CDH13: variants seen among roughly 807,000 people sequenced by gnomAD.
CDH13 encodes cadherin 13.
CDH13 carries 24 observed loss-of-function variants against 63.8 expected under a neutral mutation model. That is an observed-to-expected ratio of 0.38 (90% CI 0.27 to 0.53). The LOEUF (loss-of-function observed/expected upper bound fraction) is 0.53. Among genes scored for constraint, CDH13 ranks in the 20% least tolerant of loss-of-function variants. The pLI is 0.85. For synonymous variants in CDH13, 503 were observed against 355.3 expected, an observed-to-expected ratio of 1.42 and a Z score of -4.67; for missense variants, 1,049 against 903.1, an observed-to-expected ratio of 1.16 and a Z score of -2.07.
intron 1 of CDH13, among the ~76,000 whole-genome samples, chr16:82,706,665 G>A (rs981891107): frequency 1.3e-5 from 2 of 151,724 alleles, no homozygotes; most frequent in South Asian, 2.1e-4. Flanking sequence ...TTAGCCAGGT[G>A]TGGTGGTGGG....
chr16:83,548,599 G>A (rs532642002), intron 7 of CDH13, among the ~76,000 whole-genome samples: 3 of 152,220 alleles, frequency 2.0e-5, no homozygotes, highest in Non-Finnish European at 4.4e-5. Flanking sequence ...CGGATAGCCA[G>A]TTCTTTTACA....
intron 5 of CDH13, among the ~76,000 whole-genome samples, chr16:83,237,726 C>G (rs1455249986): frequency 6.6e-6 from 1 of 152,152 alleles, no homozygotes; most frequent in African/African-American, 2.4e-5. Flanking sequence ...GTTGTTTAAT[C>G]GTGAACTTTA....
chr16:83,148,927 C>T (rs1269640268), intron 4 of CDH13, among the ~76,000 whole-genome samples: 1 of 152,120 alleles, frequency 6.6e-6, no homozygotes, highest in Non-Finnish European at 1.5e-5. Flanking sequence ...AATCTTATTA[C>T]ACTCATTATC....
At chr16:83,261,651 C>G (rs1020718464) in intron 5 of CDH13, among the ~76,000 whole-genome samples, 1 of 151,868 alleles carries the variant, frequency 6.6e-6, no homozygotes, top group African/African-American at 2.4e-5. Context: ...AGTGCCAAAG[C>G]TGAGAAGCCC....
At chr16:83,003,214 A>G (rs186895006) in intron 2 of CDH13, among the ~76,000 whole-genome samples, 1 of 152,216 alleles carries the variant, frequency 6.6e-6, no homozygotes, top group African/African-American at 2.4e-5. Flanking sequence ...TCTGAGGCCA[A>G]TGCAAATATA....
intron 6 of CDH13, among the ~76,000 whole-genome samples, chr16:83,380,114 T>A (rs1271453453): frequency 6.6e-6 from 1 of 152,040 alleles, no homozygotes; most frequent in East Asian, 1.9e-4. Flanking sequence ...ATTGGTATTC[T>A]TGCGTGAGGA....
intron 4 of CDH13, among the ~76,000 whole-genome samples, chr16:83,214,579 C>CAAA (rs751124100): frequency 0.018 from 697 of 39,726 alleles, 110 homozygotes; most frequent in Middle Eastern, 0.094. Flanking sequence ...GACTCTGTCT[C>CAAA]AAAAAAAAAA....
chr16:82,869,197 C>T (rs976458227), intron 2 of CDH13, among the ~76,000 whole-genome samples: 2 of 152,136 alleles, frequency 1.3e-5, no homozygotes, highest in Non-Finnish European at 2.9e-5. Context: ...CAGAAGTGCA[C>T]CACCACGCCT....
chr16:83,373,132 G>A (rs1008029391), intron 6 of CDH13, among the ~76,000 whole-genome samples: 1 of 152,078 alleles, frequency 6.6e-6, no homozygotes, highest in Non-Finnish European at 1.5e-5. Context: ...CCATAATATT[G>A]AGCAAATGTT....
chr16:83,742,856 G>A (rs901713917), intron 10 of CDH13, among the ~76,000 whole-genome samples: 2 of 152,230 alleles, frequency 1.3e-5, no homozygotes, highest in African/African-American at 2.4e-5. Context: ...TCCTTCCAGG[G>A]CATCTGTGGG....
chr16:83,430,691 C>G (rs1369895934), intron 6 of CDH13, among the ~76,000 whole-genome samples: 3 of 152,138 alleles, frequency 2.0e-5, no homozygotes, highest in African/African-American at 7.2e-5. Flanking sequence ...AGTTCTTTCT[C>G]AACAAGGATC....
intron 1 of CDH13, among the ~76,000 whole-genome samples, chr16:82,629,518 C>A (rs1044257244): frequency 6.6e-6 from 1 of 152,182 alleles, no homozygotes; most frequent in East Asian, 1.9e-4. Context: ...AGCAAAAACA[C>A]AACTTTCCTG....
intron 10 of CDH13, among the ~76,000 whole-genome samples, chr16:83,713,432 G>C (rs1420363204): frequency 6.6e-6 from 1 of 152,042 alleles, no homozygotes; most frequent in Non-Finnish European, 1.5e-5. Context: ...ACAGAGTTGG[G>C]GAGGGAGGGA....
intron 3 of CDH13, among the ~76,000 whole-genome samples, chr16:83,081,950 G>T (rs35879103): frequency 6.6e-6 from 1 of 151,920 alleles, no homozygotes. Flanking sequence ...ACAGGCATGC[G>T]CCACCACGCC....
chr16:83,511,185 G>A lies in CDH13; in HGVS notation c.960+24530G>A, dbSNP rs554286197. ...ACACACACAGAATGGTTCGTGGCCG[G>A]GTGCGGTGGCTCACACCTGTGATCC... On this transcript the variant is annotated intron_variant, in intron 7 of 13. Transcript: ENST00000567109. Among the ~76,000 whole-genome samples, 15 of 152,318 alleles carry A rather than the reference G, an allele frequency of 9.8e-5. No homozygotes were observed. The South Asian group carries it at 3.1e-3, about 32-fold the overall frequency.
chr16:82,920,429 G>A (rs186610156), intron 2 of CDH13, among the ~76,000 whole-genome samples: 85 of 152,290 alleles, frequency 5.6e-4, no homozygotes, highest in Non-Finnish European at 9.8e-4. Context: ...TCCTGTGCTC[G>A]TCCATGAATC....
rs768668842 is a variant in CDH13 at position 83,486,527 on chromosome 16, G to A, written c.832G>A (p.Asp278Asn). ...CTTTGATGCAGATGACCCAGCCACCGATAATGCCCTCCTGCGGTATAATAT... is the reference window on the plus strand; with the variant it reads ...CTTTGATGCAGATGACCCAGCCACCAATAATGCCCTCCTGCGGTATAATAT... ...TAFDADDPAT[D>N]NALLRYNIRQ... Residue 278 changes from aspartate to asparagine, a missense_variant, in exon 7 of 14, where the codon GAT (aspartate) becomes AAT (asparagine). Asp to Asn is a conservative substitution (Grantham distance 23, BLOSUM62 1). Coordinates refer to ENST00000567109, the MANE Select transcript of CDH13 (RefSeq NM_001257.5). The A allele has an allele frequency of 1.3e-5, 21 of 1,613,704 alleles. No homozygotes were observed. Among genetic ancestry groups the A allele is most frequent in the Admixed American group, 5.0e-5 (3 of 59,998 alleles).
chr16:82,916,213 T>A (rs761214697), intron 2 of CDH13, among the ~76,000 whole-genome samples: 3 of 152,014 alleles, frequency 2.0e-5, no homozygotes, highest in Non-Finnish European at 2.9e-5. Flanking sequence ...GCTGCGGAAA[T>A]AGGTTAACCC....
At chr16:82,775,945 C>G (rs997674660) in intron 1 of CDH13, among the ~76,000 whole-genome samples, 2 of 152,164 alleles carry the variant, frequency 1.3e-5, no homozygotes, top group Non-Finnish European at 2.9e-5. Context: ...TGCAGTGGCT[C>G]ACATCTGGAA....
Sources: gnomAD v4.1 joint callset for allele counts (sites outside exome capture counted in the v4.1 genomes callset) on GRCh38, gnomAD v4.1.1 for gene constraint, MANE v1.5 for transcripts, NCBI Gene and HGNC (gene_info 2026-07-23, HGNC 2026-07-21) for gene names.